Variants in CSMD1 observed in about 807,000 individuals in gnomAD.
CSMD1 encodes the protein CUB and sushi domain-containing protein 1.
A neutral mutation model predicts 417.5 loss-of-function variants in CSMD1; 213 were observed. The ratio of observed to expected loss-of-function variants is 0.51; its 90% CI spans 0.46 to 0.57. The LOEUF (loss-of-function observed/expected upper bound fraction) is 0.57, where lower values mean the gene tolerates loss of function less well. CSMD1 is among the 20% of genes least tolerant of loss of function. The pLI, the probability that CSMD1 is intolerant of heterozygous loss-of-function variation, is 0.00. For missense variants in CSMD1, 6,923 were observed against 4,529.7 expected (o/e 1.53, Z -15.17); for synonymous variants, 2,862 against 1,736.8 (o/e 1.65, Z -16.11).
intron 3 of CSMD1, among the ~76,000 whole-genome samples, chr8:4,316,803 C>T (rs1274760971): frequency 3.3e-5 from 5 of 152,078 alleles, no homozygotes; most frequent in Admixed American, 2.0e-4. Context: ...TATTGTGCTT[C>T]CCTCAAAGTC....
chr8:3,019,102 GA>G (rs1407498663), intron 51 of CSMD1, among the ~76,000 whole-genome samples: 3 of 152,112 alleles, frequency 2.0e-5, no homozygotes, highest in Non-Finnish European at 4.4e-5. Flanking sequence ...ATTTTTAGTA[GA>G]GACAGTGTTT....
chr8:3,888,637 G>A (rs1806731291), intron 5 of CSMD1, among the ~76,000 whole-genome samples: 1 of 152,098 alleles, frequency 6.6e-6, no homozygotes, highest in Admixed American at 6.6e-5. Context: ...AAGGTCAAGT[G>A]CTCTATCATG....
intron 11 of CSMD1, among the ~76,000 whole-genome samples, chr8:3,488,121 G>C (rs1818164286): frequency 8.0e-6 from 1 of 124,964 alleles, no homozygotes; most frequent in Admixed American, 7.6e-5. Context: ...TTTTCTTTTT[G>C]AAATAGTGTC....
intron 2 of CSMD1, among the ~76,000 whole-genome samples, chr8:4,567,123 C>T (rs568715779): frequency 6.6e-6 from 1 of 152,254 alleles, no homozygotes; most frequent in Admixed American, 6.5e-5. Flanking sequence ...AAATAAATCA[C>T]AGCATCACAG....
chr8:3,031,265 A>G (rs1485533577), intron 50 of CSMD1, among the ~76,000 whole-genome samples: 1 of 140,886 alleles, frequency 7.1e-6, no homozygotes, highest in East Asian at 2.3e-4. Context: ...ATTGAACAAC[A>G]AGATCACATG....
At position 4,991,181 on chromosome 8, in the gene CSMD1, A is replaced by G. The variant is rs112739672; in HGVS notation, c.85+3151T>C. On this transcript the variant is annotated intron_variant, in intron 1 of 69. Coordinates refer to ENST00000635120, the MANE Select transcript of CSMD1 (RefSeq NM_033225.6). Reference sequence around the variant, plus strand: ...AGCCCCGGGTAAAGGGGCAGATACGAGCCAGCATACACAGAATTAATATTC... The same window carrying G: ...AGCCCCGGGTAAAGGGGCAGATACGGGCCAGCATACACAGAATTAATATTC... Among the ~76,000 whole-genome samples the G allele has an allele frequency of 3.8e-3, 585 of 152,298 alleles. 3 individuals carry two copies. The highest frequency in any genetic ancestry group is 6.3e-3 in the Non-Finnish European group (427 of 68,028).
intron 8 of CSMD1, among the ~76,000 whole-genome samples, chr8:3,615,270 T>C (rs1458020759): frequency 6.6e-6 from 1 of 152,124 alleles, no homozygotes; most frequent in Non-Finnish European, 1.5e-5. Flanking sequence ...GAGGCCTGCT[T>C]GTCAGTACAG....
intron 3 of CSMD1, among the ~76,000 whole-genome samples, chr8:4,347,581 C>G (rs895722132): frequency 5.3e-5 from 8 of 152,064 alleles, no homozygotes; most frequent in Admixed American, 2.6e-4. Flanking sequence ...TTAAAGTTCG[C>G]CAAAGAGAAT....
intron 51 of CSMD1, among the ~76,000 whole-genome samples, chr8:3,020,662 T>C (rs1172979214): frequency 1.3e-5 from 2 of 152,162 alleles, no homozygotes; most frequent in African/African-American, 4.8e-5. Flanking sequence ...TTAATTAAGC[T>C]GTCTTTACTC....
chr8:4,215,750 C>T (rs931606401), intron 3 of CSMD1, among the ~76,000 whole-genome samples: 1 of 152,022 alleles, frequency 6.6e-6, no homozygotes, highest in Non-Finnish European at 1.5e-5. Flanking sequence ...TACTTCCTGT[C>T]ACTTTTTCTT....
chr8:3,293,584 C>G (rs1225734773), intron 25 of CSMD1, among the ~76,000 whole-genome samples: 2 of 152,158 alleles, frequency 1.3e-5, no homozygotes, highest in African/African-American at 4.8e-5. Context: ...ATTTCATCTT[C>G]CATCACTGAT....
At chr8:3,286,144 A>G (rs1193097279) in intron 25 of CSMD1, among the ~76,000 whole-genome samples, 4 of 152,140 alleles carry the variant, frequency 2.6e-5, no homozygotes, top group Non-Finnish European at 5.9e-5. Context: ...TGTCCCTACA[A>G]AGGACATGAA....
chr8:4,276,149 A>G (rs748352234), intron 3 of CSMD1, among the ~76,000 whole-genome samples: 14 of 152,202 alleles, frequency 9.2e-5, no homozygotes, highest in Non-Finnish European at 2.1e-4. Flanking sequence ...ATAAATCATT[A>G]TGCTATAAAG....
At chr8:4,834,876 A>G (rs143570043) in intron 1 of CSMD1, among the ~76,000 whole-genome samples, 2,083 of 143,688 alleles carry the variant, frequency 0.014, 44 homozygotes, top group African/African-American at 0.049. Flanking sequence ...AGAAAGGCGG[A>G]AACCCGGGAG....
At chr8:4,224,221 A>G (rs1003990780) in intron 3 of CSMD1, among the ~76,000 whole-genome samples, 12 of 50,938 alleles carry the variant, frequency 2.4e-4, no homozygotes, top group Non-Finnish European at 4.1e-4. Context: ...AAGTCCTAAA[A>G]AGGCCTTTTT....
intron 33 of CSMD1, 121 bp from the exon 34 acceptor site, chr8:3,190,236 AC>A (rs1796331845): frequency 1.9e-5 from 13 of 687,932 alleles, no homozygotes; most frequent in Non-Finnish European, 2.7e-5. Flanking sequence ...TTTAATAACG[AC>A]TCCAACAATC....
rs139797397 is a variant in CSMD1 at position 4,214,873 on chromosome 8, T to TAA, written c.416-182776_416-182775dup. 2.0e-5 allele frequency among the ~76,000 whole-genome samples: 3 copies of TAA among 152,258 alleles called. No homozygotes were observed. The East Asian group carries it at 5.8e-4, about 30-fold the overall frequency. On this transcript the variant is annotated intron_variant, in intron 3 of 69. Coordinates refer to ENST00000635120, the MANE Select transcript of CSMD1 (RefSeq NM_033225.6). ...CCACCAGGTTTAGATAGCGTTTTTT[T>TAA]AAAAAAATGTATATTCTTTTTTAAG...
chr8:3,951,678 T>C (rs1811611269), intron 5 of CSMD1, among the ~76,000 whole-genome samples: 1 of 152,184 alleles, frequency 6.6e-6, no homozygotes, highest in Admixed American at 6.5e-5. Context: ...AATAAACATT[T>C]GCAGATATTT....
intron 2 of CSMD1, among the ~76,000 whole-genome samples, chr8:4,514,782 G>A (rs1803026589): frequency 6.6e-6 from 1 of 152,078 alleles, no homozygotes; most frequent in Non-Finnish European, 1.5e-5. Flanking sequence ...ACACACTCTG[G>A]TGATTACATG....
Sources: gnomAD v4.1 joint callset for allele counts (sites outside exome capture counted in the v4.1 genomes callset) on GRCh38, gnomAD v4.1.1 for gene constraint, MANE v1.5 for transcripts, NCBI Gene and HGNC (gene_info 2026-07-23, HGNC 2026-07-21) for gene names.